The following SEL1L2 variants were observed in gnomAD, a reference collection of about 807,000 sequenced individuals.
SEL1L2 encodes SEL1L2 adaptor subunit of SYVN1 ubiquitin ligase.
A neutral mutation model predicts 98.8 loss-of-function variants in SEL1L2; 89 were observed. The observed-to-expected ratio is 0.90, with a 90% CI of 0.76 to 1.07. The LOEUF (loss-of-function observed/expected upper bound fraction) is 1.07. Ranked by LOEUF, SEL1L2 falls within the 50% of genes least tolerant of loss-of-function variation. The pLI is 0.00. For missense variants in SEL1L2, 788 were observed against 812.0 expected, an observed-to-expected ratio of 0.97 and a Z score of 0.36; for synonymous variants, 262 against 278.5, an observed-to-expected ratio of 0.94 and a Z score of 0.59.
intron 1 of SEL1L2, among the ~76,000 whole-genome samples, chr20:13,982,508 C>CAAAAAA (rs10713892): frequency 1.5e-5 from 1 of 67,670 alleles, no homozygotes; most frequent in Non-Finnish European, 2.8e-5. Flanking sequence ...GAGACTCTGC[C>CAAAAAA]AAAAAAAAAA....
chr20:13,952,517 C>A (rs1173019112), intron 2 of SEL1L2, among the ~76,000 whole-genome samples: 3 of 152,128 alleles, frequency 2.0e-5, no homozygotes, highest in African/African-American at 7.2e-5. Context: ...TACTTTGGCA[C>A]CTATGGATGG....
intron 2 of SEL1L2, among the ~76,000 whole-genome samples, chr20:13,932,294 GA>G (rs2049178867): frequency 6.6e-6 from 1 of 151,846 alleles, no homozygotes; most frequent in Non-Finnish European, 1.5e-5. Flanking sequence ...CTGAGTAGTA[GA>G]AAATAATGCA....
rs11467978 is a variant in SEL1L2, at chr20:13,865,831, C to CTG, written c.1405-319_1405-318dup. On this transcript the variant is annotated intron_variant, in intron 15 of 19. Transcript: ENST00000284951. ...AAGAATGTATCGCTAGTGTGTGTGT[C>CTG]TGTGTGTGTGTGTGTGTGTGTGTGT... Among the ~76,000 whole-genome samples the CTG allele has an allele frequency of 8.0e-3, 1,201 of 150,044 alleles. 6 individuals carry two copies. Among genetic ancestry groups the CTG allele is most frequent in the African/African-American group, 0.01 (415 of 40,732 alleles).
At chr20:13,904,203 T>C (rs2047815162) in intron 5 of SEL1L2, among the ~76,000 whole-genome samples, 1 of 152,210 alleles carries the variant, frequency 6.6e-6, no homozygotes, top group Non-Finnish European at 1.5e-5. Flanking sequence ...ATTTGTGTCA[T>C]TTATTTAATA....
In SEL1L2 at chr20:13,974,043, C is replaced by G. The variant is rs201419003; in HGVS notation, c.58+16434G>C. Among the ~76,000 whole-genome samples the G allele has an allele frequency of 5.3e-5, 8 of 152,208 alleles. No homozygotes were observed. The East Asian group carries it at 1.4e-3, about 26-fold the overall frequency. ...AAAAGGTCTCTTATTATACTTCTCA[C>G]CTTGGACGGGTCTAGAGTATTGGAT... On this transcript the variant is annotated intron_variant, in intron 1 of 19. Coordinates refer to ENST00000284951, the MANE Select transcript of SEL1L2 (RefSeq NM_025229.2).
At chr20:13,987,753 T>C (rs1309337823) in intron 1 of SEL1L2, among the ~76,000 whole-genome samples, 2 of 152,232 alleles carry the variant, frequency 1.3e-5, no homozygotes, top group Non-Finnish European at 2.9e-5. Context: ...TTGAATATCT[T>C]TCATGTGCTT....
chr20:13,929,487 C>CTTTTTT lies in SEL1L2; in HGVS notation c.283+2110_283+2115dup, dbSNP rs747948529. 1.9e-4 allele frequency among the ~76,000 whole-genome samples: 14 copies of CTTTTTT among 73,316 alleles called. 2 individuals carry two copies. Among genetic ancestry groups the CTTTTTT allele is most frequent in the Non-Finnish European group, 2.3e-4 (10 of 43,324 alleles). 48.1% of individuals were successfully genotyped at this position (73,316 alleles called of 152,430 possible). On this transcript the variant is annotated intron_variant, in intron 3 of 19. Coordinates refer to ENST00000284951, the MANE Select transcript of SEL1L2 (RefSeq NM_025229.2). ...TTGGATATCCTCTAATTGCCTTTGC[C>CTTTTTT]TTTTTTTTTTTTTTTTTTTTTTTTT...
chr20:13,976,582 T>A (rs6079243), intron 1 of SEL1L2, among the ~76,000 whole-genome samples: 56,152 of 151,906 alleles, frequency 0.37, 10,947 homozygotes, highest in South Asian at 0.48. Flanking sequence ...GAAGCTAGGA[T>A]CTAATCACAT....
Position 13,885,351 on chromosome 20 carries a change from T to C in SEL1L2, c.953A>G (p.Tyr318Cys), listed in dbSNP as rs2046901663. Residue 318 changes from tyrosine (Y) to cysteine (C), a missense_variant, in exon 10 of 20, where the codon TAC becomes TGC. Coordinates refer to ENST00000284951, the MANE Select transcript of SEL1L2 (RefSeq NM_025229.2). ...LIGRKGLDQD[Y>C]YKALHYFLKA... The stretch of plus-strand genomic sequence containing the variant: ...TGGATCTTGAGATTGACTTACGTAG[T>C]AATCCTGATCTAGACCTTTCCTGCC... 6.3e-7 allele frequency: 1 copy of C among 1,593,724 alleles called. No homozygotes were observed. The highest frequency in any genetic ancestry group is 1.3e-5 in the African/African-American group (1 of 74,458).
rs539743279 is a variant in SEL1L2 at position 13,894,875 on chromosome 20, C to G, written c.550-6363G>C. Among the ~76,000 whole-genome samples, 5 of 152,208 alleles carry G rather than the reference C, an allele frequency of 3.3e-5. No homozygotes were observed. The East Asian group carries it at 9.6e-4, about 29-fold the overall frequency. On this transcript the variant is annotated intron_variant, in intron 5 of 19. Coordinates refer to ENST00000284951, the MANE Select transcript of SEL1L2 (RefSeq NM_025229.2). ...AGAAACCTCCCGACAAAGAAAAGCC[C>G]AGGACCAAATGGCTTCACTAGAGAA...
intron 1 of SEL1L2, among the ~76,000 whole-genome samples, chr20:13,964,320 A>C (rs1265018812): frequency 6.6e-6 from 1 of 152,062 alleles, no homozygotes; most frequent in Non-Finnish European, 1.5e-5. Flanking sequence ...GCTTTTGTGT[A>C]AGAAATTGTC....
intron 5 of SEL1L2, among the ~76,000 whole-genome samples, chr20:13,911,827 GTAA>G (rs1393196745): frequency 6.6e-6 from 1 of 152,006 alleles, no homozygotes; most frequent in African/African-American, 2.4e-5. Context: ...TAATATTGGA[GTAA>G]TAATATTATT....
intron 1 of SEL1L2, among the ~76,000 whole-genome samples, chr20:13,978,308 G>C (rs2051641929): frequency 6.6e-6 from 1 of 152,182 alleles, no homozygotes; most frequent in Non-Finnish European, 1.5e-5. Context: ...CACTGCAGAA[G>C]AATGAAATTG....
At chr20:13,872,782 G>GA (rs5840584) in intron 12 of SEL1L2, among the ~76,000 whole-genome samples, 14,246 of 152,004 alleles carry the variant, frequency 0.094, 795 homozygotes, top group African/African-American at 0.15. Flanking sequence ...CTTGTCAGGC[G>GA]AAGAGTGGCC....
chr20:13,887,863 C>T lies in SEL1L2; in HGVS notation c.664-13G>A. 6.2e-7 allele frequency: 1 copy of T among 1,609,518 alleles called. No individual in the cohort carries two copies. Among genetic ancestry groups the T allele is most frequent in the Non-Finnish European group, 8.5e-7 (1 of 1,176,078 alleles). The stretch of plus-strand genomic sequence containing the variant: ...AATATCTGTACCCCTAAAACACAGA[C>T]AGATGCATTCTTAATATTCAAGACA... On this transcript the variant is annotated splice_polypyrimidine_tract_variant and intron_variant, in intron 7 of 19. Coordinates refer to ENST00000284951, the MANE Select transcript of SEL1L2 (RefSeq NM_025229.2).
intron 5 of SEL1L2, among the ~76,000 whole-genome samples, chr20:13,895,276 C>T (rs11906790): frequency 0.076 from 11,613 of 152,064 alleles, 478 homozygotes; most frequent in African/African-American, 0.094. Context: ...AACCTTGTCT[C>T]TATAAAAAAT....
At chr20:13,958,058 T>G (rs2148454482) in intron 1 of SEL1L2, among the ~76,000 whole-genome samples, 1 of 152,288 alleles carries the variant, frequency 6.6e-6, no homozygotes, top group Admixed American at 6.5e-5. Context: ...GTTTGTCAAG[T>G]GATTATATTG....
chr20:13,894,696 G>T (rs964954679), intron 5 of SEL1L2, among the ~76,000 whole-genome samples: 1 of 152,176 alleles, frequency 6.6e-6, no homozygotes, highest in Non-Finnish European at 1.5e-5. Context: ...TAATAAAAAG[G>T]ATCATACTGT....
At chr20:13,983,447 A>G (rs1415533434) in intron 1 of SEL1L2, among the ~76,000 whole-genome samples, 1 of 152,126 alleles carries the variant, frequency 6.6e-6, no homozygotes, top group Non-Finnish European at 1.5e-5. Flanking sequence ...AGGGAAAAAA[A>G]GTGAGGTTAA....
Sources: allele counts gnomAD v4.1 joint callset (sites outside exome capture counted in the v4.1 genomes callset), GRCh38; gene constraint gnomAD v4.1.1; transcripts MANE v1.5; gene names NCBI Gene and HGNC (gene_info 2026-07-23, HGNC 2026-07-21).